Variants in TMEM181 observed in about 807,000 individuals in gnomAD.
TMEM181 encodes G protein-coupled receptor 178.
TMEM181 carries 39 observed loss-of-function variants against 71.9 expected under a neutral mutation model. The observed-to-expected ratio is 0.54, with a 90% CI of 0.42 to 0.71. TMEM181 has a LOEUF of 0.71. Among genes scored for constraint, TMEM181 ranks in the 30% least tolerant of loss-of-function variants. The pLI, the probability that TMEM181 is intolerant of heterozygous loss-of-function variation, is 0.00. For synonymous variants in TMEM181, 245 were observed against 228.8 expected (o/e 1.07, Z -0.64); for missense variants, 595 against 583.0 (o/e 1.02, Z -0.21).
chr6:158,551,343 A>C (rs558505763), intron 1 of TMEM181, among the ~76,000 whole-genome samples: 1 of 152,218 alleles, frequency 6.6e-6, no homozygotes, highest in East Asian at 1.9e-4. Context: ...TATTTATTAG[A>C]GTTGTGGGAA....
rs1784641279 is a variant in TMEM181 at position 158,601,031 on chromosome 6, C to T, written c.493-4236C>T. ...GTTTGTTCGACTAAGACGTAGTAAA[C>T]GTTTTTAATCTCAATATTATGTTTA... On this transcript the variant is annotated intron_variant, in intron 6 of 16. Transcript: ENST00000684151. 2.6e-5 allele frequency among the ~76,000 whole-genome samples: 4 copies of T among 152,154 alleles called. 1 individual carries two copies. Among genetic ancestry groups the T allele is most frequent in the African/African-American group, 7.2e-5 (3 of 41,522 alleles).
rs1157361227 is a variant in TMEM181 at position 158,631,392 on chromosome 6, A to G, written c.1349+3A>G. 6.2e-7 allele frequency: 1 copy of G among 1,614,158 alleles called. No homozygotes were observed. The highest frequency in any genetic ancestry group is 1.1e-5 in the South Asian group (1 of 91,086). ...TCGGATGATGATGTGATTTATGGGT[A>G]AGTCCCTGTCCGTTAGAAGGCCGGC... On this transcript the variant is annotated splice_donor_region_variant and intron_variant, in intron 16 of 16. Coordinates refer to ENST00000684151, the MANE Select transcript of TMEM181 (RefSeq NM_001376852.1).
intron 1 of TMEM181, among the ~76,000 whole-genome samples, chr6:158,540,308 G>A (rs1397311265): frequency 3.3e-5 from 5 of 152,198 alleles, no homozygotes; most frequent in Admixed American, 3.3e-4. Flanking sequence ...AAACCACTTG[G>A]CAAGCAGCTA....
At chr6:158,572,811 T>G (rs955704251) in intron 1 of TMEM181, among the ~76,000 whole-genome samples, 1 of 151,862 alleles carries the variant, frequency 6.6e-6, no homozygotes, top group Non-Finnish European at 1.5e-5. Context: ...CCGTGTTGGG[T>G]GGCACAAGGG....
intron 1 of TMEM181, among the ~76,000 whole-genome samples, chr6:158,540,464 G>C (rs1781300116): frequency 6.6e-6 from 1 of 152,188 alleles, no homozygotes; most frequent in African/African-American, 2.4e-5. Flanking sequence ...CTGGAAAGTA[G>C]CCAGATACTA....
intron 6 of TMEM181, among the ~76,000 whole-genome samples, chr6:158,595,724 A>G (rs537175511): frequency 7.2e-4 from 109 of 152,300 alleles, no homozygotes; most frequent in African/African-American, 2.4e-3. Context: ...TTACAAAGAC[A>G]GGCAAAATGA....
rs750876064 is a variant in TMEM181 at position 158,625,795 on chromosome 6, T to C, written c.1109+41T>C. 3.9e-6 allele frequency: 6 copies of C among 1,554,744 alleles called. No individual in the cohort carries two copies. The African/African-American group carries it at 8.2e-5, about 21-fold the overall frequency. ...TTCTTGAAAACAGCAAAACGGAATTTTTCTTTTACTGTCAGGAATATCTGT... is the reference window on the plus strand; with the variant it reads ...TTCTTGAAAACAGCAAAACGGAATTCTTCTTTTACTGTCAGGAATATCTGT... On this transcript the variant is annotated intron_variant, in intron 13 of 16. Coordinates refer to ENST00000684151, the MANE Select transcript of TMEM181 (RefSeq NM_001376852.1).
intron 1 of TMEM181, among the ~76,000 whole-genome samples, chr6:158,545,343 G>C (rs1184536884): frequency 6.6e-6 from 1 of 152,250 alleles, no homozygotes; most frequent in East Asian, 1.9e-4. Flanking sequence ...ACGTGCCTGG[G>C]ACTGGCCTCC....
chr6:158,562,061 G>T (rs1230320068), intron 1 of TMEM181, among the ~76,000 whole-genome samples: 1 of 152,162 alleles, frequency 6.6e-6, no homozygotes, highest in Non-Finnish European at 1.5e-5. Flanking sequence ...GAACAGAGCC[G>T]CTTGGAGGAG....
intron 1 of TMEM181, among the ~76,000 whole-genome samples, chr6:158,561,227 G>A (rs1194743966): frequency 6.6e-6 from 1 of 152,272 alleles, no homozygotes; most frequent in Non-Finnish European, 1.5e-5. Context: ...CAGCGCAAGT[G>A]CCTGTGACAG....
At position 158,585,553 on chromosome 6, in the gene TMEM181, T is replaced by C. The variant is rs911872492; in HGVS notation, c.381+128T>C. 5.8e-6 allele frequency: 7 copies of C among 1,212,786 alleles called. No homozygotes were observed. The African/African-American group carries it at 1.1e-4, about 19-fold the overall frequency. The allele number at this position is 1,212,786 out of a possible 1,614,324, so 75.1% of individuals were successfully genotyped here. A position where few individuals can be genotyped will look rare whatever the true frequency, so the allele number is the denominator to read the frequency against. On this transcript the variant is annotated intron_variant, in intron 5 of 16. Coordinates refer to ENST00000684151, the MANE Select transcript of TMEM181 (RefSeq NM_001376852.1). The stretch of plus-strand genomic sequence containing the variant: ...AGAAATTGTTCTTAAGTGAAAAAAA[T>C]GGAGTCATACCAAAGATGGCATGAA...
intron 5 of TMEM181, among the ~76,000 whole-genome samples, chr6:158,586,351 T>A (rs186468338): frequency 6.6e-6 from 1 of 152,188 alleles, no homozygotes; most frequent in African/African-American, 2.4e-5. Context: ...AGGAAAGTAA[T>A]GTCAGAAGCC....
intron 10 of TMEM181, among the ~76,000 whole-genome samples, chr6:158,612,410 G>A (rs553187596): frequency 6.6e-6 from 1 of 152,336 alleles, no homozygotes; most frequent in South Asian, 2.1e-4. Context: ...GACTGCGGGA[G>A]CAATGCCGTC....
chr6:158,538,972 G>A (rs369360469), intron 1 of TMEM181, among the ~76,000 whole-genome samples: 1 of 152,218 alleles, frequency 6.6e-6, no homozygotes, highest in Non-Finnish European at 1.5e-5. Flanking sequence ...GCCCTGAAGA[G>A]CCTTGAAGGT....
rs1197254833 is a variant in TMEM181, at chr6:158,631,685, T to G, written c.1350-125T>G. On this transcript the variant is annotated intron_variant, in intron 16 of 16. Transcript: ENST00000684151. Reference sequence around the variant, plus strand: ...GGAGGACGGGGTGAGCAGTAGCAGTTGGTGATAGAAAATTGAAAGAGCGAA... The same window carrying G: ...GGAGGACGGGGTGAGCAGTAGCAGTGGGTGATAGAAAATTGAAAGAGCGAA... The G allele has an allele frequency of 3.7e-6, 4 of 1,095,068 alleles. No individual in the cohort carries two copies. In the East Asian group the frequency reaches 1.0e-4, roughly 28 times the overall value. The allele number at this position is 1,095,068 out of a possible 1,614,324, so 67.8% of individuals were successfully genotyped here.
chr6:158,548,630 T>C (rs1291270049), intron 1 of TMEM181, among the ~76,000 whole-genome samples: 6 of 152,136 alleles, frequency 3.9e-5, no homozygotes, highest in Admixed American at 3.3e-4. Flanking sequence ...GATGGTGTCC[T>C]CATTCTCTAA....
At chr6:158,567,366 C>T (rs762695412) in intron 1 of TMEM181, among the ~76,000 whole-genome samples, 3 of 152,212 alleles carry the variant, frequency 2.0e-5, no homozygotes, top group East Asian at 1.9e-4. Flanking sequence ...ACAACACAAA[C>T]GCTTTTGGAA....
chr6:158,633,303 A>G lies in TMEM181; in HGVS notation c.*1415A>G, dbSNP rs1000474544. The G allele has an allele frequency of 2.6e-5, 4 of 152,162 alleles. No individual in the cohort carries two copies. The highest frequency in any genetic ancestry group is 5.9e-5 in the Non-Finnish European group (4 of 68,046). The allele number at this position is 152,162 out of a possible 1,614,324, so 9.4% of individuals were successfully genotyped here. A position where few individuals can be genotyped will look rare whatever the true frequency, so the allele number is the denominator to read the frequency against. The stretch of plus-strand genomic sequence containing the variant: ...CGACCTGTTCTGTAAAGTCCTTGGC[A>G]CTGCTGAATCTGTGGCATCATAGAA... On this transcript the variant is annotated 3_prime_UTR_variant, in exon 17 of 17. Coordinates refer to ENST00000684151, the MANE Select transcript of TMEM181 (RefSeq NM_001376852.1).
At chr6:158,613,793 GT>G (rs1243033153) in intron 10 of TMEM181, among the ~76,000 whole-genome samples, 1 of 152,144 alleles carries the variant, frequency 6.6e-6, no homozygotes, top group East Asian at 1.9e-4. Context: ...CTTATAACTA[GT>G]TTTCAAATTC....
Sources: gnomAD v4.1 joint callset for allele counts (sites outside exome capture counted in the v4.1 genomes callset) on GRCh38, gnomAD v4.1.1 for gene constraint, MANE v1.5 for transcripts, NCBI Gene and HGNC (gene_info 2026-07-23, HGNC 2026-07-21) for gene names.